Variants in APPBP2 observed in about 807,000 individuals in gnomAD.
APPBP2 encodes the protein amyloid beta precursor protein binding protein 2.
APPBP2 carries 15 observed loss-of-function variants against 76.0 expected under a neutral mutation model. The observed-to-expected ratio is 0.20, with a 90% CI of 0.13 to 0.30. The LOEUF (loss-of-function observed/expected upper bound fraction) is 0.30. APPBP2 is among the 10% of genes least tolerant of loss of function. APPBP2 has a pLI of 1.00. For missense variants in APPBP2, 401 were observed against 687.2 expected (o/e 0.58, Z 4.66); for synonymous variants, 222 against 242.2 (o/e 0.92, Z 0.77).
intron 1 of APPBP2, among the ~76,000 whole-genome samples, chr17:60,505,986 C>CT (rs113337317): frequency 0.079 from 11,513 of 146,616 alleles, 1,503 homozygotes; most frequent in African/African-American, 0.27. Flanking sequence ...CCTGGCCTTT[C>CT]TTTTTTTTTT....
intron 6 of APPBP2, chr17:60,462,636 A>G (rs1237772898): frequency 6.6e-6 from 1 of 152,266 alleles, no homozygotes; most frequent in Non-Finnish European, 1.5e-5. Context: ...AAAAACTCTA[A>G]ATATAATTTG....
intron 1 of APPBP2, among the ~76,000 whole-genome samples, chr17:60,503,834 A>G (rs1324610696): frequency 1.3e-5 from 2 of 149,864 alleles, no homozygotes; most frequent in Non-Finnish European, 2.9e-5. Context: ...AAACTGAGTC[A>G]TATACAGTTA....
chr17:60,515,587 C>A (rs946123411), intron 1 of APPBP2, among the ~76,000 whole-genome samples: 3 of 152,248 alleles, frequency 2.0e-5, no homozygotes, highest in African/African-American at 7.2e-5. Flanking sequence ...ATCGTCACTA[C>A]TGTCCAAGAA....
intron 1 of APPBP2, among the ~76,000 whole-genome samples, chr17:60,524,180 A>C (rs991147509): frequency 6.6e-6 from 1 of 152,278 alleles, no homozygotes. Context: ...TTCAATTAGA[A>C]GTGAAAGTTA....
In APPBP2 at chr17:60,444,259, T is replaced by C. The variant is rs1232459577; in HGVS notation, c.*3322A>G. ...TATAGTGTTTTTCCAGTAGTAACTT[T>C]GCCACCCAGAAGAAAAGCAAGCAGC... On this transcript the variant is annotated 3_prime_UTR_variant, in exon 13 of 13. Coordinates refer to ENST00000083182, the MANE Select transcript of APPBP2 (RefSeq NM_006380.5). The C allele has an allele frequency of 6.6e-6, 1 of 152,602 alleles. No homozygotes were observed. Among genetic ancestry groups the C allele is most frequent in the Admixed American group, 6.5e-5 (1 of 15,270 alleles). 9.5% of individuals were successfully genotyped at this position (152,602 alleles called of 1,614,324 possible).
intron 11 of APPBP2, 104 bp from the exon 12 acceptor site, chr17:60,452,149 G>A: frequency 1.8e-6 from 2 of 1,140,054 alleles, no homozygotes; most frequent in Non-Finnish European, 1.3e-6. Flanking sequence ...TCTTATGAAT[G>A]CCATAAGGTA....
Position 60,464,047 on chromosome 17 carries a change from C to G in APPBP2, c.736G>C (p.Val246Leu), listed in dbSNP as rs748754414. The change falls in exon 6 of 13, where the codon GTG becomes CTG. Residue 246 changes from valine to leucine, a missense_variant. By Grantham distance (32) the Val-to-Leu change is conservative. Transcript: ENST00000083182. ...ITAGLPVKVV[V>L]DVLRQASKAC... The stretch of plus-strand genomic sequence containing the variant: ...TTAGAAGCTTGTCTTAAGACATCCA[C>G]CACAACTTTCACTGGTAAGCCTGCT... The G allele has an allele frequency of 6.2e-7, 1 of 1,611,312 alleles. No individual in the cohort carries two copies. The highest frequency in any genetic ancestry group is 1.1e-5 in the South Asian group (1 of 90,444).
At chr17:60,512,854 AGGAAAGG>A in intron 1 of APPBP2, among the ~76,000 whole-genome samples, 2 of 147,124 alleles carry the variant, frequency 1.4e-5, no homozygotes, top group African/African-American at 5.0e-5. Context: ...AAAAAAAAAA[AGGAAAGG>A]AAAAGAAACG....
At chr17:60,519,556 G>A (rs984635191) in intron 1 of APPBP2, among the ~76,000 whole-genome samples, 2 of 151,740 alleles carry the variant, frequency 1.3e-5, no homozygotes, top group Non-Finnish European at 1.5e-5. Context: ...CTAGCTACTC[G>A]GGACGATGAG....
intron 8 of APPBP2, chr17:60,461,597 C>A: frequency 2.3e-6 from 1 of 442,848 alleles, no homozygotes; most frequent in South Asian, 5.3e-5. Flanking sequence ...GCTCACAACC[C>A]AATAATTCCT....
At chr17:60,481,907 GAGTTTGCTC>G (rs1412991375) in intron 3 of APPBP2, among the ~76,000 whole-genome samples, 1 of 152,204 alleles carries the variant, frequency 6.6e-6, no homozygotes, top group African/African-American at 2.4e-5. Flanking sequence ...TTTAGAGACA[GAGTTTGCTC>G]TTGTTGCCCA....
intron 11 of APPBP2, 72 bp downstream of exon 11, chr17:60,454,226 GCTTA>G: frequency 1.8e-6 from 2 of 1,102,006 alleles, no homozygotes; most frequent in Admixed American, 2.8e-5. Context: ...ATTTATTTGA[GCTTA>G]CTTAAAATTT....
At chr17:60,480,482 T>C (rs7222792) in intron 3 of APPBP2, among the ~76,000 whole-genome samples, 12,507 of 152,264 alleles carry the variant, frequency 0.082, 1,698 homozygotes, top group African/African-American at 0.28. Flanking sequence ...GGTGTCTTAA[T>C]AGTATTAATG....
At chr17:60,521,524 C>T (rs1269536206) in intron 1 of APPBP2, among the ~76,000 whole-genome samples, 1 of 152,192 alleles carries the variant, frequency 6.6e-6, no homozygotes, top group Non-Finnish European at 1.5e-5. Context: ...TTAGATGAAG[C>T]TTGCCCAATG....
rs1322011701 is a variant in APPBP2 at position 60,446,590 on chromosome 17, A to G, written c.*991T>C. ...GCCAATATACTTGTTAACTGCATTG[A>G]TTATTAGGGCAACATTTAAAATGAG... On this transcript the variant is annotated 3_prime_UTR_variant, in exon 13 of 13. Coordinates refer to ENST00000083182, the MANE Select transcript of APPBP2 (RefSeq NM_006380.5). 6.6e-6 allele frequency: 1 copy of G among 152,196 alleles called. No individual in the cohort carries two copies. The highest frequency in any genetic ancestry group is 2.4e-5 in the African/African-American group (1 of 41,450). 9.4% of individuals were successfully genotyped at this position (152,196 alleles called of 1,614,324 possible).
intron 1 of APPBP2, among the ~76,000 whole-genome samples, chr17:60,501,060 A>G (rs2090819204): frequency 6.6e-6 from 1 of 152,212 alleles, no homozygotes; most frequent in African/African-American, 2.4e-5. Flanking sequence ...TGATCCTGTC[A>G]TTCCAGCTAC....
intron 3 of APPBP2, among the ~76,000 whole-genome samples, chr17:60,492,880 T>C (rs1407357728): frequency 1.3e-5 from 2 of 152,178 alleles, no homozygotes; most frequent in Non-Finnish European, 2.9e-5. Context: ...TGTGAGGACA[T>C]GAGATTTGCG....
Position 60,449,031 on chromosome 17 carries a change from A to C in APPBP2, c.1505-1197T>G, listed in dbSNP as rs115560341. Among the ~76,000 whole-genome samples, 797 of 152,346 alleles carry C rather than the reference A, an allele frequency of 5.2e-3. 8 individuals are homozygous for C. Among genetic ancestry groups the C allele is most frequent in the African/African-American group, 0.018 (739 of 41,582 alleles). Reference sequence around the variant, plus strand: ...GCAAAAGAATAACATAACCACATTGAAAGGAAAGGGGTGTAAATAACCCCA... The same window carrying C: ...GCAAAAGAATAACATAACCACATTGCAAGGAAAGGGGTGTAAATAACCCCA... On this transcript the variant is annotated intron_variant, in intron 12 of 12. Transcript: ENST00000083182.
chr17:60,464,182 C>T, intron 5 of APPBP2, 72 bp from the exon 6 acceptor site: 1 of 1,136,996 alleles, frequency 8.8e-7, no homozygotes. Context: ...AAGATGACTG[C>T]AAAATTTTTC....
Sources: gnomAD v4.1 joint callset for allele counts (sites outside exome capture counted in the v4.1 genomes callset) on GRCh38, gnomAD v4.1.1 for gene constraint, MANE v1.5 for transcripts, NCBI Gene and HGNC (gene_info 2026-07-23, HGNC 2026-07-21) for gene names.